The following GALNT10 variants were observed in gnomAD, a reference collection of about 807,000 sequenced individuals.
The protein encoded by GALNT10 is GalNAc transferase 10.
GALNT10 carries 41 observed loss-of-function variants against 75.0 expected under a neutral mutation model. The observed-to-expected ratio is 0.55, with a 90% CI of 0.43 to 0.71. The LOEUF is 0.71. GALNT10 is among the 30% of genes least tolerant of loss of function. The pLI is 0.00. For synonymous variants in GALNT10, 302 were observed against 313.0 expected, an observed-to-expected ratio of 0.96 and a Z score of 0.37; for missense variants, 727 against 818.5, an observed-to-expected ratio of 0.89 and a Z score of 1.36.
At chr5:154,301,764 T>C (rs1754363544) in intron 3 of GALNT10, among the ~76,000 whole-genome samples, 1 of 152,190 alleles carries the variant, frequency 6.6e-6, no homozygotes, top group Non-Finnish European at 1.5e-5. Context: ...TTTTATGTAT[T>C]ATGAGCATTG....
intron 4 of GALNT10, among the ~76,000 whole-genome samples, chr5:154,353,903 C>G (rs1429451502): frequency 6.6e-6 from 1 of 152,206 alleles, no homozygotes; most frequent in Non-Finnish European, 1.5e-5. Flanking sequence ...CCTTGTACTT[C>G]CATGCTGACC....
chr5:154,216,440 T>C (rs938446746), intron 1 of GALNT10, among the ~76,000 whole-genome samples: 14 of 152,322 alleles, frequency 9.2e-5, no homozygotes, highest in Non-Finnish European at 1.6e-4. Flanking sequence ...AAAAAGATTT[T>C]TTTTAGCATT....
chr5:154,384,266 A>G (rs1484676818), intron 6 of GALNT10, among the ~76,000 whole-genome samples: 1 of 152,170 alleles, frequency 6.6e-6, no homozygotes, highest in Non-Finnish European at 1.5e-5. Context: ...CTATCACTCC[A>G]TTGTTTAGAT....
intron 7 of GALNT10, among the ~76,000 whole-genome samples, chr5:154,396,139 G>A (rs744939): frequency 0.25 from 37,474 of 152,060 alleles, 5,062 homozygotes; most frequent in East Asian, 0.49. Context: ...TTGGCAGTTC[G>A]TTTCTGTTCC....
At chr5:154,234,103 C>G (rs988969634) in intron 1 of GALNT10, among the ~76,000 whole-genome samples, 9 of 152,222 alleles carry the variant, frequency 5.9e-5, no homozygotes, top group Non-Finnish European at 1.3e-4. Context: ...CCCCTCCTCT[C>G]TGGTGGTGGA....
At position 154,402,936 on chromosome 5, in the gene GALNT10, G is replaced by A. The variant is rs1241040359; in HGVS notation, c.1057-1168G>A. ...GGTCAGTCCTCATGTGACTCACTGG[G>A]AGGCATCTACACAGGGGCACAAATA... is the stretch of plus-strand genomic sequence containing the variant. On this transcript the variant is annotated intron_variant, in intron 7 of 11. Transcript: ENST00000297107. The surrounding 1 kb of genome is among the most constrained non-coding windows in gnomAD (Gnocchi z 4.2). The A allele has an allele frequency of 6.6e-6, 1 of 151,836 alleles. No homozygotes were observed. The highest frequency in any genetic ancestry group is 6.6e-5 in the Admixed American group (1 of 15,262). The allele number at this position is 151,836 out of a possible 1,614,324, so 9.4% of individuals were successfully genotyped here. A position where few individuals can be genotyped will look rare whatever the true frequency, so the allele number is the denominator to read the frequency against.
intron 3 of GALNT10, among the ~76,000 whole-genome samples, chr5:154,328,719 A>ACCAGC (rs1754797150): frequency 6.6e-6 from 1 of 152,190 alleles, no homozygotes; most frequent in Non-Finnish European, 1.5e-5. Flanking sequence ...GGTAATTCTG[A>ACCAGC]CCAGCCGGCT....
At chr5:154,413,274 G>A (rs878893435) in intron 10 of GALNT10, among the ~76,000 whole-genome samples, 1 of 152,228 alleles carries the variant, frequency 6.6e-6, no homozygotes, top group Admixed American at 6.5e-5. Context: ...ATTGTCTCAT[G>A]TCCCTGAAAA....
In GALNT10 at chr5:154,416,475, G is replaced by GCACGTA. The variant is rs1188943399; in HGVS notation, c.1654-336_1654-335insGTACAC. 5.0e-5 allele frequency among the ~76,000 whole-genome samples: 2 copies of GCACGTA among 40,254 alleles called. No homozygotes were observed. The highest frequency in any genetic ancestry group is 2.8e-4 in the African/African-American group (2 of 7,252). The allele number at this position is 40,254 out of a possible 152,430, so 26.4% of individuals were successfully genotyped here. On this transcript the variant is annotated intron_variant, in intron 11 of 11. Transcript: ENST00000297107. This position sits in a 1 kb window ranked among gnomAD's most constrained non-coding sequence, Gnocchi z 4.5. Reference sequence around the variant, plus strand: ...TAAAAAAATAAAAGATAAAAGGAAAGCACATACACACACACACACACACAC... The same window carrying GCACGTA: ...TAAAAAAATAAAAGATAAAAGGAAAGCACGTACACATACACACACACACACACACAC...
chr5:154,274,950 C>T (rs1232946658), intron 1 of GALNT10, among the ~76,000 whole-genome samples: 1 of 152,196 alleles, frequency 6.6e-6, no homozygotes, highest in Admixed American at 6.5e-5. Flanking sequence ...CCTGGCCACT[C>T]CCCCTTCACA....
chr5:154,195,273 T>C (rs1774919598), intron 1 of GALNT10, among the ~76,000 whole-genome samples: 1 of 152,198 alleles, frequency 6.6e-6, no homozygotes, highest in Non-Finnish European at 1.5e-5. Context: ...CCTGACGGTG[T>C]TTGCAGAGGT....
intron 1 of GALNT10, among the ~76,000 whole-genome samples, chr5:154,192,839 C>T (rs1774880187): frequency 6.6e-6 from 1 of 152,058 alleles, no homozygotes; most frequent in South Asian, 2.1e-4. Flanking sequence ...GGAGAAAGAC[C>T]TCGTATTTCA....
intron 1 of GALNT10, among the ~76,000 whole-genome samples, chr5:154,234,548 C>G (rs1753215850): frequency 6.6e-6 from 1 of 152,216 alleles, no homozygotes; most frequent in Non-Finnish European, 1.5e-5. Flanking sequence ...TCCTCAGAAA[C>G]AAGTTTATGA....
chr5:154,419,171 T>A lies in GALNT10; in HGVS notation c.*2199T>A, dbSNP rs1756580132. On this transcript the variant is annotated 3_prime_UTR_variant, in exon 12 of 12. Transcript: ENST00000297107. ...CATTTCAAGCAGGAGATGTTGGGTC[T>A]GGAGCAAGATCTGAGACTGAGATGT... 6.6e-6 allele frequency: 1 copy of A among 151,910 alleles called. No homozygotes were observed. Among genetic ancestry groups the A allele is most frequent in the African/African-American group, 2.4e-5 (1 of 41,390 alleles). 9.4% of individuals were successfully genotyped at this position (151,910 alleles called of 1,614,324 possible).
At chr5:154,399,427 T>A (rs1370521393) in intron 7 of GALNT10, among the ~76,000 whole-genome samples, 1 of 152,200 alleles carries the variant, frequency 6.6e-6, no homozygotes, top group Non-Finnish European at 1.5e-5. Flanking sequence ...ATGACGGCGA[T>A]GCTCTCTCTG....
intron 8 of GALNT10, among the ~76,000 whole-genome samples, chr5:154,408,740 A>C (rs146292561): frequency 6.6e-6 from 1 of 152,236 alleles, no homozygotes; most frequent in East Asian, 1.9e-4. Context: ...ATGGAATTAC[A>C]CCTTTTGGTT....
At chr5:154,357,813 C>G (rs1765447421) in intron 4 of GALNT10, among the ~76,000 whole-genome samples, 1 of 152,110 alleles carries the variant, frequency 6.6e-6, no homozygotes, top group Non-Finnish European at 1.5e-5. Context: ...AACCTGGGGG[C>G]CCGTTAAGCA....
rs560705800 is a variant in GALNT10 at position 154,224,590 on chromosome 5, T to G, written c.159+33565T>G. 4.6e-5 allele frequency among the ~76,000 whole-genome samples: 7 copies of G among 152,350 alleles called. No homozygotes were observed. The South Asian group carries it at 1.4e-3, about 32-fold the overall frequency. On this transcript the variant is annotated intron_variant, in intron 1 of 11. Coordinates refer to ENST00000297107, the MANE Select transcript of GALNT10 (RefSeq NM_198321.4). Reference sequence around the variant, plus strand: ...AGTTTTATACTATTTGTACATTTATTTATTCATTCATTAAGCTAACCAGAT... The same window carrying G: ...AGTTTTATACTATTTGTACATTTATGTATTCATTCATTAAGCTAACCAGAT...
Position 154,190,904 on chromosome 5 carries a change from C to T in GALNT10, c.38C>T (p.Ala13Val). 7 of 1,472,914 alleles carry T rather than the reference C, an allele frequency of 4.8e-6. No homozygotes were observed. Among genetic ancestry groups the T allele is most frequent in the Non-Finnish European group, 5.4e-6 (6 of 1,110,130 alleles). The allele number at this position is 1,472,914 out of a possible 1,614,324, so 91.2% of individuals were successfully genotyped here. A position where few individuals can be genotyped will look rare whatever the true frequency, so the allele number is the denominator to read the frequency against. Reference protein sequence around the residue: ...RKEKRLLQAVALVLAALVLLP... With the variant: ...RKEKRLLQAVVLVLAALVLLP... ...GAGAAGCGGCTCCTGCAGGCGGTGGCGCTGGTGCTGGCGGCCCTGGTCCTC... is the reference window on the plus strand; with the variant it reads ...GAGAAGCGGCTCCTGCAGGCGGTGGTGCTGGTGCTGGCGGCCCTGGTCCTC... Residue 13 changes from alanine (A) to valine (V), a missense_variant, in exon 1 of 12, where the codon GCG (alanine) becomes GTG (valine). By Grantham distance (64) the Ala-to-Val change is moderately conservative. Transcript: ENST00000297107.
Sources: gnomAD v4.1 joint callset for allele counts (sites outside exome capture counted in the v4.1 genomes callset) on GRCh38, gnomAD v4.1.1 for gene constraint, Gnocchi (gnomAD v3.1) non-coding constraint, MANE v1.5 for transcripts, NCBI Gene and HGNC (gene_info 2026-07-23, HGNC 2026-07-21) for gene names.